Variants in ZMYM4 observed in about 807,000 individuals in gnomAD.
The protein encoded by ZMYM4 is zinc finger MYM-type containing 4, also known as zinc finger MYM-type protein 4.
ZMYM4 carries 31 observed loss-of-function variants against 183.2 expected under a neutral mutation model. The ratio of observed to expected loss-of-function variants is 0.17; its 90% CI spans 0.13 to 0.23. ZMYM4 has a LOEUF of 0.23. Among genes scored for constraint, ZMYM4 ranks in the 10% least tolerant of loss-of-function variants. The pLI is 1.00. For missense variants in ZMYM4, 1,273 were observed against 1,840.3 expected (o/e 0.69, Z 5.64); for synonymous variants, 592 against 631.2 (o/e 0.94, Z 0.93).
intron 1 of ZMYM4, among the ~76,000 whole-genome samples, chr1:35,280,952 G>A (rs546063043): frequency 3.9e-5 from 6 of 152,060 alleles, no homozygotes; most frequent in East Asian, 1.9e-4. Context: ...CTTCAAGGTC[G>A]GCACCTCGAT....
intron 1 of ZMYM4, among the ~76,000 whole-genome samples, chr1:35,306,274 A>G (rs1423486395): frequency 1.3e-5 from 2 of 152,156 alleles, no homozygotes; most frequent in Non-Finnish European, 2.9e-5. Flanking sequence ...GAACCTGTAG[A>G]ATAGTATATT....
At position 35,405,199 on chromosome 1, in the gene ZMYM4, G is replaced by A; in HGVS notation, c.3700+5G>A. The A allele has an allele frequency of 1.2e-6, 2 of 1,613,400 alleles. No homozygotes were observed. The highest frequency in any genetic ancestry group is 1.7e-6 in the Non-Finnish European group (2 of 1,179,520). ...AGGGGGATCTAAAATGTGGAGGTAA[G>A]TGCACAGCATGAATTGTATCTTGAT... On this transcript the variant is annotated splice_donor_5th_base_variant and intron_variant, in intron 24 of 29. Transcript: ENST00000314607.
chr1:35,362,529 G>A (rs1429905814), intron 5 of ZMYM4, among the ~76,000 whole-genome samples: 3 of 152,218 alleles, frequency 2.0e-5, no homozygotes, highest in African/African-American at 7.2e-5. Flanking sequence ...TGCAATAGCA[G>A]CAATTATTTG....
chr1:35,347,296 C>T (rs1357018977), intron 2 of ZMYM4, among the ~76,000 whole-genome samples: 3 of 152,156 alleles, frequency 2.0e-5, no homozygotes, highest in African/African-American at 7.2e-5. Context: ...CGTGAGCCAC[C>T]GCACCCAGCC....
At chr1:35,351,669 C>G in intron 2 of ZMYM4, 1 of 512,108 alleles carries the variant, frequency 2.0e-6, no homozygotes, top group Non-Finnish European at 3.5e-6. Context: ...ATAGCAACAA[C>G]AACAACAAAA....
Position 35,375,931 on chromosome 1 carries a change from C to G in ZMYM4, c.1181+5304C>G, listed in dbSNP as rs192605127. Among the ~76,000 whole-genome samples the G allele has an allele frequency of 8.5e-5, 13 of 152,186 alleles. 2 individuals carry two copies. The highest frequency in any genetic ancestry group is 2.6e-4 in the African/African-American group (11 of 41,520). On this transcript the variant is annotated intron_variant, in intron 7 of 29. Coordinates refer to ENST00000314607, the MANE Select transcript of ZMYM4 (RefSeq NM_005095.3). ...TCTCTACAAAAAGTTAAAAAATTAA[C>G]CAACTGTGGTGCCACATGCCTGTAA...
intron 2 of ZMYM4, among the ~76,000 whole-genome samples, chr1:35,356,278 T>G (rs2148897649): frequency 6.6e-6 from 1 of 152,322 alleles, no homozygotes; most frequent in African/African-American, 2.4e-5. Flanking sequence ...ACAATATTAC[T>G]TCTTAGTATT....
chr1:35,316,554 GT>G (rs1381790263), intron 1 of ZMYM4, among the ~76,000 whole-genome samples: 5 of 152,200 alleles, frequency 3.3e-5, no homozygotes, highest in African/African-American at 1.2e-4. Flanking sequence ...CTGTGTTGCA[GT>G]TTTTCACTCT....
At chr1:35,405,222 G>C (rs762242139) in intron 24 of ZMYM4, 28 bp downstream of exon 24, 1 of 1,608,134 alleles carries the variant, frequency 6.2e-7, no homozygotes, top group Non-Finnish European at 8.5e-7. Flanking sequence ...ATTGTATCTT[G>C]ATTTAGGTAG....
chr1:35,282,362 A>G (rs1163506195), intron 1 of ZMYM4, among the ~76,000 whole-genome samples: 1 of 152,184 alleles, frequency 6.6e-6, no homozygotes, highest in Admixed American at 6.5e-5. Context: ...AGCCCTCACC[A>G]AAAGCTAAGC....
chr1:35,377,613 A>G (rs1644363173), intron 7 of ZMYM4, among the ~76,000 whole-genome samples: 1 of 152,264 alleles, frequency 6.6e-6, no homozygotes, highest in Non-Finnish European at 1.5e-5. Context: ...AGTTGTGTTT[A>G]TACTGTAGTC....
At chr1:35,379,129 GTCTC>G (rs1289867849) in intron 7 of ZMYM4, among the ~76,000 whole-genome samples, 2 of 152,138 alleles carry the variant, frequency 1.3e-5, no homozygotes, top group Non-Finnish European at 2.9e-5. Flanking sequence ...GAGACGGAGT[GTCTC>G]TCTATCACCC....
chr1:35,344,887 C>G (rs1570399592), intron 2 of ZMYM4, among the ~76,000 whole-genome samples: 1 of 152,126 alleles, frequency 6.6e-6, no homozygotes, highest in Non-Finnish European at 1.5e-5. Flanking sequence ...TTAAAGAGTT[C>G]ATATAAGATG....
chr1:35,380,518 G>A (rs1297056949), intron 7 of ZMYM4, among the ~76,000 whole-genome samples: 1 of 152,042 alleles, frequency 6.6e-6, no homozygotes, highest in African/African-American at 2.4e-5. Context: ...TAGAGAGACG[G>A]GGTTTCACCG....
intron 1 of ZMYM4, among the ~76,000 whole-genome samples, chr1:35,305,379 A>G (rs973374438): frequency 8.5e-5 from 13 of 152,146 alleles, no homozygotes; most frequent in African/African-American, 3.1e-4. Flanking sequence ...GTTGCTTCAC[A>G]TATAGAGTTA....
At chr1:35,397,284 T>G in intron 19 of ZMYM4, 93 bp from the exon 20 acceptor site, 1 of 1,319,666 alleles carries the variant, frequency 7.6e-7, no homozygotes, top group Non-Finnish European at 1.0e-6. Flanking sequence ...TAAATTTGTT[T>G]ACTATTTTAA....
At chr1:35,276,012 C>T (rs1404309096) in intron 1 of ZMYM4, among the ~76,000 whole-genome samples, 1 of 152,088 alleles carries the variant, frequency 6.6e-6, no homozygotes, top group Admixed American at 6.6e-5. Flanking sequence ...TAATTAGCTG[C>T]CTTTGACCAA....
At chr1:35,384,841 CTTTT>C (rs748891728) in intron 9 of ZMYM4, among the ~76,000 whole-genome samples, 1 of 127,412 alleles carries the variant, frequency 7.8e-6, no homozygotes, top group Non-Finnish European at 1.6e-5. Flanking sequence ...TTTTCTTTTT[CTTTT>C]TTTTTTTTTT....
chr1:35,296,343 G>C (rs757972610), intron 1 of ZMYM4, among the ~76,000 whole-genome samples: 1 of 89,344 alleles, frequency 1.1e-5, no homozygotes, highest in Non-Finnish European at 2.5e-5. Context: ...TCAACAACCA[G>C]AGAAGCCACT....
Sources: allele counts gnomAD v4.1 joint callset (sites outside exome capture counted in the v4.1 genomes callset), GRCh38; gene constraint gnomAD v4.1.1; transcripts MANE v1.5; gene names NCBI Gene and HGNC (gene_info 2026-07-23, HGNC 2026-07-21).